Variants in SUGCT observed in about 807,000 individuals in gnomAD.
The protein encoded by SUGCT is succinyl-CoA:glutarate CoA-transferase.
SUGCT carries 41 observed loss-of-function variants against 55.0 expected under a neutral mutation model. The ratio of observed to expected loss-of-function variants is 0.74; its 90% CI spans 0.58 to 0.97. SUGCT has a LOEUF of 0.97. Among genes scored for constraint, SUGCT ranks in the 50% least tolerant of loss-of-function variants. The pLI, the probability that SUGCT is intolerant of heterozygous loss-of-function variation, is 0.00. For missense variants in SUGCT, 568 were observed against 547.8 expected, an observed-to-expected ratio of 1.04 and a Z score of -0.37; for synonymous variants, 187 against 200.4, an observed-to-expected ratio of 0.93 and a Z score of 0.56.
At chr7:40,284,963 A>G (rs1793221678) in intron 8 of SUGCT, among the ~76,000 whole-genome samples, 1 of 152,192 alleles carries the variant, frequency 6.6e-6, no homozygotes. Flanking sequence ...GGTTCTGTAT[A>G]ACTGAAGTCA....
At chr7:40,408,994 G>T (rs572484194) in intron 9 of SUGCT, among the ~76,000 whole-genome samples, 17 of 151,982 alleles carry the variant, frequency 1.1e-4, no homozygotes, top group Non-Finnish European at 1.6e-4. Flanking sequence ...TTGCTGTGTC[G>T]CCTGGGCTGG....
chr7:40,476,489 ATAGT>A (rs1336764420), intron 11 of SUGCT, among the ~76,000 whole-genome samples: 2 of 152,180 alleles, frequency 1.3e-5, no homozygotes, highest in Admixed American at 6.5e-5. Context: ...ATTTATATGC[ATAGT>A]TAGATGTAAT....
chr7:40,421,144 A>G (rs1787284558), intron 9 of SUGCT, among the ~76,000 whole-genome samples: 1 of 152,172 alleles, frequency 6.6e-6, no homozygotes, highest in Non-Finnish European at 1.5e-5. Flanking sequence ...TGTCAGGCCT[A>G]GTGAGAACTG....
intron 12 of SUGCT, among the ~76,000 whole-genome samples, chr7:40,507,161 C>T (rs1479246761): frequency 6.6e-6 from 1 of 152,094 alleles, no homozygotes; most frequent in East Asian, 1.9e-4. Flanking sequence ...CACTTTAGAT[C>T]TCCCCTCCCC....
the SUGCT span, among the ~76,000 whole-genome samples, chr7:40,954,451 C>A: frequency 6.6e-6 from 1 of 152,158 alleles, no homozygotes; most frequent in African/African-American, 2.4e-5. Flanking sequence ...TGTGCTGCAC[C>A]CACTGTCCTG....
intron 12 of SUGCT, among the ~76,000 whole-genome samples, chr7:40,526,656 G>GTCAA (rs1793815661): frequency 6.6e-6 from 1 of 152,118 alleles, no homozygotes; most frequent in African/African-American, 2.4e-5. Flanking sequence ...TTATAATGGA[G>GTCAA]TCAATCACTT....
chr7:41,002,197 T>A, the SUGCT span, among the ~76,000 whole-genome samples: 11 of 152,140 alleles, frequency 7.2e-5, no homozygotes, highest in Non-Finnish European at 1.2e-4. Flanking sequence ...ATTTTTGTAT[T>A]ATTAGTACAG....
the SUGCT span, among the ~76,000 whole-genome samples, chr7:40,963,563 A>G: frequency 1.2e-4 from 18 of 152,332 alleles, no homozygotes; most frequent in East Asian, 3.5e-3. Context: ...GTTTCTCTTA[A>G]GAAAGCTCTG....
At chr7:40,468,810 T>G (rs1244207579) in intron 11 of SUGCT, among the ~76,000 whole-genome samples, 1 of 152,168 alleles carries the variant, frequency 6.6e-6, no homozygotes. Context: ...GATTCCTTAG[T>G]GTAAATACAT....
chr7:40,589,163 T>C (rs1011522780), intron 12 of SUGCT, among the ~76,000 whole-genome samples: 2 of 152,174 alleles, frequency 1.3e-5, no homozygotes, highest in African/African-American at 4.8e-5. Context: ...TGTGTGTGTG[T>C]GTGTGCTTGT....
intron 7 of SUGCT, among the ~76,000 whole-genome samples, chr7:40,239,955 C>T (rs1213275814): frequency 3.9e-5 from 6 of 152,114 alleles, no homozygotes; most frequent in African/African-American, 1.2e-4. Flanking sequence ...TGGTGGTAGG[C>T]GCTGGAGATT....
At chr7:40,945,876 G>T in the SUGCT span, among the ~76,000 whole-genome samples, 1 of 152,114 alleles carries the variant, frequency 6.6e-6, no homozygotes, top group South Asian at 2.1e-4. Context: ...ATCTGCAAGG[G>T]TTACAGTAAT....
At chr7:40,327,276 TA>T (rs67401721) in intron 9 of SUGCT, among the ~76,000 whole-genome samples, 152,085 of 152,250 alleles carry the variant, frequency 1, 75,960 homozygotes, top group Non-Finnish European at 1. Context: ...AGATCCTGGT[TA>T]AATTTGGAAC....
intron 9 of SUGCT, among the ~76,000 whole-genome samples, chr7:40,328,729 G>A (rs1293326076): frequency 2.0e-5 from 3 of 151,912 alleles, no homozygotes; most frequent in African/African-American, 4.8e-5. Context: ...ATGTGTGTGT[G>A]TATGTGTGTG....
chr7:40,606,778 A>G (rs192736843), intron 12 of SUGCT, among the ~76,000 whole-genome samples: 13 of 152,312 alleles, frequency 8.5e-5, no homozygotes, highest in Admixed American at 2.6e-4. Flanking sequence ...TAAATCAGAA[A>G]TGACTTAAAA....
intron 6 of SUGCT, among the ~76,000 whole-genome samples, chr7:40,208,270 A>C (rs2150784719): frequency 6.6e-6 from 1 of 152,318 alleles, no homozygotes; most frequent in African/African-American, 2.4e-5. Context: ...TGGTGGTGAT[A>C]GTTATGCAAC....
At chr7:40,786,016 T>C (rs1351115120) in intron 13 of SUGCT, among the ~76,000 whole-genome samples, 1 of 152,170 alleles carries the variant, frequency 6.6e-6, no homozygotes, top group East Asian at 1.9e-4. Flanking sequence ...AGAGGATTGC[T>C]TGAACCCAGG....
At chr7:40,431,014 A>G (rs1787865664) in intron 9 of SUGCT, among the ~76,000 whole-genome samples, 1 of 151,426 alleles carries the variant, frequency 6.6e-6, no homozygotes, top group Non-Finnish European at 1.5e-5. Context: ...GCTACACAGG[A>G]GGCTGAAGCA....
chr7:40,611,518 T>C (rs761989002), intron 12 of SUGCT, among the ~76,000 whole-genome samples: 28 of 152,258 alleles, frequency 1.8e-4, no homozygotes, highest in Non-Finnish European at 3.1e-4. Flanking sequence ...TGCTTTTATT[T>C]TAAATCAAAT....
Sources: gnomAD v4.1 joint callset for allele counts (sites outside exome capture counted in the v4.1 genomes callset) on GRCh38, gnomAD v4.1.1 for gene constraint, MANE v1.5 for transcripts, NCBI Gene and HGNC (gene_info 2026-07-23, HGNC 2026-07-21) for gene names.